The following CDYL variants were observed in gnomAD, a reference collection of about 807,000 sequenced individuals.
CDYL encodes the protein chromodomain Y-like protein.
CDYL carries 8 observed loss-of-function variants against 47.3 expected under a neutral mutation model. The observed-to-expected ratio is 0.17, with a 90% CI of 0.10 to 0.31. The LOEUF is 0.31. Ranked by LOEUF, CDYL falls within the 10% of genes least tolerant of loss-of-function variation. The pLI is 1.00. For missense variants in CDYL, 471 were observed against 701.4 expected, an observed-to-expected ratio of 0.67 and a Z score of 3.71; for synonymous variants, 266 against 265.0, an observed-to-expected ratio of 1.00 and a Z score of -0.04.
intron 4 of CDYL, among the ~76,000 whole-genome samples, chr6:4,941,417 G>A (rs937720882): frequency 2.0e-5 from 3 of 152,130 alleles, no homozygotes; most frequent in Non-Finnish European, 2.9e-5. Context: ...AAAACAAAAC[G>A]AGTCTCTGTG....
intron 1 of CDYL, among the ~76,000 whole-genome samples, chr6:4,890,562 GT>G (rs967100787): frequency 2.6e-5 from 4 of 152,300 alleles, no homozygotes; most frequent in East Asian, 3.9e-4. Flanking sequence ...ATACTGGAGA[GT>G]TTTTTATTTC....
chr6:4,807,265 G>A (rs1294598378), intron 1 of CDYL, among the ~76,000 whole-genome samples: 2 of 152,164 alleles, frequency 1.3e-5, no homozygotes, highest in African/African-American at 4.8e-5. Context: ...GCTTATAGAT[G>A]GGGTATATGA....
chr6:4,875,083 G>C (rs1007457971), intron 1 of CDYL, among the ~76,000 whole-genome samples: 2 of 152,144 alleles, frequency 1.3e-5, no homozygotes, highest in Non-Finnish European at 1.5e-5. Flanking sequence ...TGAGGGAGGT[G>C]TGTGTTTAAG....
intron 4 of CDYL, 23 bp from the exon 5 acceptor site, chr6:4,943,523 T>TC (rs1372183720): frequency 2.0e-6 from 3 of 1,498,754 alleles, no homozygotes; most frequent in South Asian, 1.1e-5. Flanking sequence ...TTTGAGTAAT[T>TC]CCCCATTTAT....
intron 3 of CDYL, among the ~76,000 whole-genome samples, chr6:4,741,874 T>A (rs1265210175): frequency 6.6e-6 from 1 of 152,202 alleles, no homozygotes; most frequent in Non-Finnish European, 1.5e-5. Context: ...TGTGTAGACC[T>A]AGGCATTTCC....
At chr6:4,828,188 C>G (rs1012310708) in intron 1 of CDYL, among the ~76,000 whole-genome samples, 1 of 150,788 alleles carries the variant, frequency 6.6e-6, no homozygotes, top group Non-Finnish European at 1.5e-5. Flanking sequence ...TTACTTTCCC[C>G]CTCAGTTTCA....
chr6:4,935,778 G>A lies in CDYL; in HGVS notation c.948+7G>A, dbSNP rs1053799291. ...TAACTCACTAAATCCAGAGGTGAGA[G>A]GCGCTCTTGGGCTGGCGTGGGCTTC... On this transcript the variant is annotated splice_region_variant and intron_variant, in intron 3 of 6. Transcript: ENST00000397588. 7 of 1,612,610 alleles carry A rather than the reference G, an allele frequency of 4.3e-6. 1 individual carries two copies. The Admixed American group carries it at 1.0e-4, about 23-fold the overall frequency.
At chr6:4,719,291 T>C (rs1007205921) in intron 2 of CDYL, among the ~76,000 whole-genome samples, 1 of 152,236 alleles carries the variant, frequency 6.6e-6, no homozygotes, top group African/African-American at 2.4e-5. Flanking sequence ...TGTGCATGTA[T>C]CTGGGTGTCT....
At chr6:4,873,336 T>C (rs527728703) in intron 1 of CDYL, among the ~76,000 whole-genome samples, 47 of 152,328 alleles carry the variant, frequency 3.1e-4, no homozygotes, top group Non-Finnish European at 6.6e-4. Context: ...TGGATAGATA[T>C]GATAATGACT....
chr6:4,871,378 A>G (rs551962127), intron 1 of CDYL, among the ~76,000 whole-genome samples: 1 of 152,282 alleles, frequency 6.6e-6, no homozygotes, highest in South Asian at 2.1e-4. Flanking sequence ...CTGCCCCAAA[A>G]AGTTTTGGAT....
chr6:4,859,418 A>T (rs768280682), intron 1 of CDYL, among the ~76,000 whole-genome samples: 11 of 152,078 alleles, frequency 7.2e-5, no homozygotes, highest in Middle Eastern at 3.2e-3. Context: ...TTGCCCTTGC[A>T]TCACAGAAGA....
intron 2 of CDYL, among the ~76,000 whole-genome samples, chr6:4,900,779 G>GTGTGTGTATATATATATATATATC: frequency 1.9e-5 from 1 of 51,706 alleles, no homozygotes; most frequent in African/African-American, 6.3e-5. Flanking sequence ...GTATACGTGT[G>GTGTGTGTATATATATATATATATC]TATATATATA....
intron 3 of CDYL, among the ~76,000 whole-genome samples, chr6:4,735,871 C>T (rs982817697): frequency 2.6e-5 from 4 of 151,618 alleles, no homozygotes; most frequent in Non-Finnish European, 4.4e-5. Flanking sequence ...AAGGTTCCCC[C>T]GCCCTCTGTA....
intron 2 of CDYL, among the ~76,000 whole-genome samples, chr6:4,717,640 G>A (rs1025004071): frequency 5.2e-5 from 7 of 133,864 alleles, no homozygotes; most frequent in South Asian, 4.8e-4. Context: ...AGGAGTTTGC[G>A]GCTACAGTGA....
chr6:4,733,372 C>A (rs1480772756), intron 2 of CDYL: 3 of 149,598 alleles, frequency 2.0e-5, no homozygotes, highest in African/African-American at 7.4e-5. Context: ...TAAAAAGTTA[C>A]ATGTTTTTAA....
intron 1 of CDYL, among the ~76,000 whole-genome samples, chr6:4,811,705 G>A (rs1274449668): frequency 6.7e-6 from 1 of 149,892 alleles, no homozygotes; most frequent in East Asian, 1.9e-4. Context: ...TCTTGGCCTC[G>A]AGTGATCTTC....
At chr6:4,838,953 G>A (rs953070130) in intron 1 of CDYL, among the ~76,000 whole-genome samples, 4 of 152,184 alleles carry the variant, frequency 2.6e-5, no homozygotes, top group Non-Finnish European at 5.9e-5. Context: ...GGGATTACAG[G>A]CGTGAGCCAC....
intron 1 of CDYL, among the ~76,000 whole-genome samples, chr6:4,873,234 T>C (rs921575390): frequency 3.9e-5 from 6 of 152,240 alleles, no homozygotes; most frequent in Admixed American, 6.5e-5. Context: ...TTAACTTTTT[T>C]TTCACTGCCC....
chr6:4,953,288 G>C (rs1431913842), intron 6 of CDYL, among the ~76,000 whole-genome samples: 1 of 151,770 alleles, frequency 6.6e-6, no homozygotes, highest in African/African-American at 2.4e-5. Context: ...AGAGGCTGAG[G>C]TGAGAGAATC....
Sources: allele counts gnomAD v4.1 joint callset (sites outside exome capture counted in the v4.1 genomes callset), GRCh38; gene constraint gnomAD v4.1.1; transcripts MANE v1.5; gene names NCBI Gene and HGNC (gene_info 2026-07-23, HGNC 2026-07-21).